Variants in ALPK2 observed in about 807,000 individuals in gnomAD.
The protein encoded by ALPK2 is alpha-protein kinase 2.
Under a neutral mutation model 163.1 loss-of-function variants are expected in ALPK2, and 127 were observed. That is an observed-to-expected ratio of 0.78 (90% CI 0.67 to 0.90). The LOEUF (loss-of-function observed/expected upper bound fraction) is 0.90, where lower values mean the gene tolerates loss of function less well. Ranked by LOEUF, ALPK2 falls within the 40% of genes least tolerant of loss-of-function variation. ALPK2 has a pLI of 0.00. For synonymous variants in ALPK2, 953 were observed against 959.1 expected (o/e 0.99, Z 0.12); for missense variants, 2,360 against 2,589.6 (o/e 0.91, Z 1.92).
intron 1 of ALPK2, 86 bp from the exon 2 acceptor site, chr18:58,611,903 G>T: frequency 2.4e-6 from 2 of 824,862 alleles, no homozygotes; most frequent in Non-Finnish European, 3.7e-6. Context: ...ACAGGGTGCC[G>T]CCCTGGCAGC....
At chr18:58,614,052 A>C (rs775941756) in intron 1 of ALPK2, among the ~76,000 whole-genome samples, 14 of 152,252 alleles carry the variant, frequency 9.2e-5, no homozygotes, top group Non-Finnish European at 1.6e-4. Flanking sequence ...ATTAAGGGGA[A>C]TACACTGCCT....
intron 1 of ALPK2, among the ~76,000 whole-genome samples, chr18:58,619,187 G>A (rs2052185798): frequency 6.6e-6 from 1 of 152,180 alleles, no homozygotes; most frequent in African/African-American, 2.4e-5. Flanking sequence ...CACATTTCGG[G>A]TGCCTACTGT....
At chr18:58,485,420 C>T (rs748452409) in intron 12 of ALPK2, among the ~76,000 whole-genome samples, 6 of 152,130 alleles carry the variant, frequency 3.9e-5, no homozygotes, top group Non-Finnish European at 7.4e-5. Context: ...GAAGCTAAAG[C>T]GGCAGCCTGC....
intron 4 of ALPK2, among the ~76,000 whole-genome samples, chr18:58,565,583 T>G (rs992641191): frequency 1.3e-4 from 20 of 152,250 alleles, no homozygotes; most frequent in African/African-American, 4.8e-4. Context: ...TTTTATCTAT[T>G]TGATTTTTAT....
intron 4 of ALPK2, chr18:58,544,618 G>C (rs1168310173): frequency 6.6e-6 from 1 of 152,226 alleles, no homozygotes; most frequent in Non-Finnish European, 1.5e-5. Context: ...CGCTGCTCCA[G>C]GACAGAGTGT....
intron 10 of ALPK2, among the ~76,000 whole-genome samples, chr18:58,509,747 T>C (rs969918708): frequency 6.6e-6 from 1 of 152,058 alleles, no homozygotes; most frequent in African/African-American, 2.4e-5. Flanking sequence ...TTTTTTCTTG[T>C]AAATTTGTTT....
intron 5 of ALPK2, among the ~76,000 whole-genome samples, chr18:58,532,657 G>T (rs1006556054): frequency 6.6e-6 from 1 of 152,182 alleles, no homozygotes; most frequent in Non-Finnish European, 1.5e-5. Flanking sequence ...CTGAGCATAA[G>T]CATTGCCTCA....
chr18:58,504,764 G>A (rs565232361), intron 10 of ALPK2, among the ~76,000 whole-genome samples: 7 of 152,324 alleles, frequency 4.6e-5, no homozygotes, highest in South Asian at 2.1e-4. Context: ...ACGGGCATGC[G>A]GTGGAGTGGG....
intron 8 of ALPK2, among the ~76,000 whole-genome samples, chr18:58,517,717 G>A (rs2051529784): frequency 6.6e-6 from 1 of 152,002 alleles, no homozygotes; most frequent in African/African-American, 2.4e-5. Flanking sequence ...CAGAAAAAGA[G>A]TAACTTTTTT....
At chr18:58,520,968 A>G (rs2051547444) in intron 8 of ALPK2, among the ~76,000 whole-genome samples, 1 of 152,234 alleles carries the variant, frequency 6.6e-6, no homozygotes, top group South Asian at 2.1e-4. Context: ...GTGAGCTATG[A>G]TTGTGCCACT....
chr18:58,554,320 A>T (rs1159308497), intron 4 of ALPK2, among the ~76,000 whole-genome samples: 1 of 152,202 alleles, frequency 6.6e-6, no homozygotes, highest in East Asian at 1.9e-4. Flanking sequence ...TTGGTTCAGA[A>T]TGGTAAGAAA....
intron 7 of ALPK2, 41 bp downstream of exon 7, chr18:58,523,894 G>C (rs566391221): frequency 6.2e-7 from 1 of 1,614,010 alleles, no homozygotes; most frequent in Non-Finnish European, 8.5e-7. Flanking sequence ...CATTGTGAAC[G>C]GGCAGGGGCC....
intron 4 of ALPK2, among the ~76,000 whole-genome samples, chr18:58,576,322 C>T (rs545401754): frequency 6.6e-6 from 1 of 152,114 alleles, no homozygotes; most frequent in East Asian, 1.9e-4. Context: ...TGCAGTGAGC[C>T]GAGATCGTAC....
At chr18:58,556,535 C>A (rs1054968607) in intron 4 of ALPK2, among the ~76,000 whole-genome samples, 1 of 150,848 alleles carries the variant, frequency 6.6e-6, no homozygotes, top group African/African-American at 2.4e-5. Context: ...ACCTTCAATA[C>A]GTGTCAGCTG....
intron 12 of ALPK2, among the ~76,000 whole-genome samples, chr18:58,485,366 G>A (rs2051333239): frequency 6.6e-6 from 1 of 152,106 alleles, no homozygotes; most frequent in South Asian, 2.1e-4. Context: ...ATCCAAGCTG[G>A]GTTTTTTAAG....
intron 8 of ALPK2, among the ~76,000 whole-genome samples, chr18:58,522,249 C>G (rs2051558815): frequency 6.6e-6 from 1 of 152,150 alleles, no homozygotes; most frequent in Non-Finnish European, 1.5e-5. Context: ...CTTCCCAGTC[C>G]CATGATGTGT....
chr18:58,624,950 T>A (rs2052221823), intron 1 of ALPK2, among the ~76,000 whole-genome samples: 1 of 152,206 alleles, frequency 6.6e-6, no homozygotes, highest in Non-Finnish European at 1.5e-5. Context: ...AATTCTTTCA[T>A]CATCAAGAAG....
chr18:58,485,723 T>TCG (rs2144094075), intron 12 of ALPK2, among the ~76,000 whole-genome samples: 1 of 152,278 alleles, frequency 6.6e-6, no homozygotes, highest in South Asian at 2.1e-4. Context: ...GCCTGAGCGC[T>TCG]CTCTCCCTGG....
rs139795581 is a variant in ALPK2, at chr18:58,579,611, C to T, written c.1165G>A (p.Gly389Ser). 4 of 1,613,550 alleles carry T rather than the reference C, an allele frequency of 2.5e-6. No homozygotes were observed. Among genetic ancestry groups the T allele is most frequent in the Admixed American group, 1.7e-5 (1 of 59,968 alleles). ...SGMGCGSRVS[G>S]DAGPMVATAG... ...GTGGCAACCATAGGCCCAGCGTCAC[C>T]CGACACCCGAGACCCACAACCCATT... The change falls in exon 4 of 13, where the codon GGT becomes AGT. Residue 389 changes from glycine to serine, a missense_variant. Transcript: ENST00000361673.
Sources: gnomAD v4.1 joint callset for allele counts (sites outside exome capture counted in the v4.1 genomes callset) on GRCh38, gnomAD v4.1.1 for gene constraint, MANE v1.5 for transcripts, NCBI Gene and HGNC (gene_info 2026-07-23, HGNC 2026-07-21) for gene names.